Variants in CCDC180 observed in about 807,000 individuals in gnomAD.
The protein encoded by CCDC180 is coiled-coil domain containing 180, also known as coiled-coil domain-containing protein 180.
Under a neutral mutation model 209.2 loss-of-function variants are expected in CCDC180, and 154 were observed. The observed-to-expected ratio is 0.74, with a 90% CI of 0.65 to 0.84. CCDC180 has a LOEUF of 0.84. CCDC180 is among the 40% of genes least tolerant of loss of function. CCDC180 has a pLI of 0.00. For missense variants in CCDC180, 1,874 were observed against 1,997.3 expected, an observed-to-expected ratio of 0.94 and a Z score of 1.18; for synonymous variants, 778 against 749.1, an observed-to-expected ratio of 1.04 and a Z score of -0.63.
At chr9:97,327,366 T>C (rs556910757) in intron 15 of CCDC180, among the ~76,000 whole-genome samples, 1 of 152,334 alleles carries the variant, frequency 6.6e-6, no homozygotes, top group South Asian at 2.1e-4. Context: ...GTGCAAATTG[T>C]TCCATAACTA....
At position 97,350,695 on chromosome 9, in the gene CCDC180, G is replaced by A. The variant is rs117886450; in HGVS notation, c.3002+140G>A. 3.3e-6 allele frequency: 3 copies of A among 904,118 alleles called. No homozygotes were observed. The South Asian group carries it at 5.3e-5, about 16-fold the overall frequency. The allele number at this position is 904,118 out of a possible 1,614,324, so 56.0% of individuals were successfully genotyped here. On this transcript the variant is annotated intron_variant, in intron 22 of 36. Coordinates refer to ENST00000529487, the MANE Select transcript of CCDC180 (RefSeq NM_020893.6). ...CATCTTAACCATTTTTAGGTGCACA[G>A]ATCAGTGGCATTAAGGATATCCTGG...
At position 97,345,452 on chromosome 9, in the gene CCDC180, A is replaced by G. The variant is rs543300058; in HGVS notation, c.2499-1862A>G. ...TGTGGTTTTAATATGTATTCTCCTG[A>G]TGAGTATGATATTGTATACCTTTAA... On this transcript the variant is annotated intron_variant, in intron 19 of 36. Coordinates refer to ENST00000529487, the MANE Select transcript of CCDC180 (RefSeq NM_020893.6). Among the ~76,000 whole-genome samples the G allele has an allele frequency of 5.9e-5, 9 of 152,316 alleles. No individual in the cohort carries two copies. In the East Asian group the frequency reaches 1.2e-3, roughly 20 times the overall value.
At chr9:97,375,130 G>C (rs1044764767) in intron 35 of CCDC180, among the ~76,000 whole-genome samples, 7 of 152,138 alleles carry the variant, frequency 4.6e-5, no homozygotes, top group Non-Finnish European at 7.3e-5. Context: ...CATAGGAAAA[G>C]CATACCAGGC....
intron 19 of CCDC180, among the ~76,000 whole-genome samples, chr9:97,345,180 G>A (rs547799647): frequency 1.3e-5 from 2 of 152,328 alleles, no homozygotes; most frequent in South Asian, 4.1e-4. Context: ...GTCTTCTGGT[G>A]AATATATGTA....
At chr9:97,362,578 A>G in intron 28 of CCDC180, 137 bp downstream of exon 28, 1 of 1,292,668 alleles carries the variant, frequency 7.7e-7, no homozygotes. Flanking sequence ...CACGGGGCGC[A>G]GTGAGGGGTG....
At chr9:97,356,452 C>T (rs137863112) in intron 24 of CCDC180, among the ~76,000 whole-genome samples, 72 of 152,280 alleles carry the variant, frequency 4.7e-4, no homozygotes, top group African/African-American at 1.6e-3. Flanking sequence ...ATTATGGCAC[C>T]GATAAAGGAG....
chr9:97,328,154 G>A lies in CCDC180; in HGVS notation c.1788+8G>A. ...CGTGAAATCTTTGAACAGGTATGGA[G>A]AGGGTGATGATACACCCAGCCACTC... On this transcript the variant is annotated splice_region_variant and intron_variant, in intron 16 of 36. Transcript: ENST00000529487. 6.2e-7 allele frequency: 1 copy of A among 1,613,024 alleles called. No homozygotes were observed.
intron 3 of CCDC180, 74 bp downstream of exon 3, chr9:97,309,678 C>T: frequency 2.4e-6 from 3 of 1,256,672 alleles, no homozygotes; most frequent in Non-Finnish European, 3.2e-6. Flanking sequence ...AAAGAGCCAG[C>T]ACAAGATGAG....
chr9:97,316,945 A>C lies in CCDC180; in HGVS notation c.796-120A>C. The C allele has an allele frequency of 3.3e-6, 3 of 922,320 alleles. No individual in the cohort carries two copies. In the South Asian group the frequency reaches 5.6e-5, roughly 17 times the overall value. 57.1% of individuals were successfully genotyped at this position (922,320 alleles called of 1,614,324 possible). A position where few individuals can be genotyped will look rare whatever the true frequency, so the allele number is the denominator to read the frequency against. Reference sequence around the variant, plus strand: ...CCCCTTCAGGCCCTGCAACCACCCCACTTGGCCCTCACCCTGCACCTCCCC... The same window carrying C: ...CCCCTTCAGGCCCTGCAACCACCCCCCTTGGCCCTCACCCTGCACCTCCCC... On this transcript the variant is annotated intron_variant, in intron 8 of 36. Coordinates refer to ENST00000529487, the MANE Select transcript of CCDC180 (RefSeq NM_020893.6).
chr9:97,309,569 C>T lies in CCDC180; in HGVS notation c.225C>T (p.Pro75=). Residue 75 remains proline (P), a synonymous_variant, in exon 3 of 37, where the codon CCC becomes CCT. Transcript: ENST00000529487. Reference sequence around the variant, plus strand: ...AGCAGAAGTGGATGCACAGCCTCCCCAACGACTGGATCATGGAAAACCCTG... The same window carrying T: ...AGCAGAAGTGGATGCACAGCCTCCCTAACGACTGGATCATGGAAAACCCTG... ...PRQQKWMHSL[P]NDWIMENPVL... The T allele has an allele frequency of 6.3e-7, 1 of 1,590,782 alleles. No homozygotes were observed. Among genetic ancestry groups the T allele is most frequent in the East Asian group, 2.3e-5 (1 of 42,756 alleles).
chr9:97,365,905 A>G (rs1479828222), intron 30 of CCDC180, among the ~76,000 whole-genome samples, 166 bp downstream of exon 30: 1 of 152,204 alleles, frequency 6.6e-6, no homozygotes, highest in Non-Finnish European at 1.5e-5. Flanking sequence ...TTTTTCTTTG[A>G]GAAACCAAAC....
At chr9:97,372,463 TGA>T (rs1165684005) in intron 34 of CCDC180, 3 of 152,256 alleles carry the variant, frequency 2.0e-5, no homozygotes, top group Non-Finnish European at 4.4e-5. Context: ...GGAATTTATC[TGA>T]GAGAAATACT....
At chr9:97,339,623 A>T (rs1306100347) in intron 18 of CCDC180, among the ~76,000 whole-genome samples, 1 of 151,848 alleles carries the variant, frequency 6.6e-6, no homozygotes, top group Non-Finnish European at 1.5e-5. Context: ...GGTGCATCTG[A>T]CAATTGTGTG....
chr9:97,323,718 G>T, intron 12 of CCDC180, 63 bp from the exon 13 acceptor site: 1 of 1,505,806 alleles, frequency 6.6e-7, no homozygotes, highest in Non-Finnish European at 8.9e-7. Context: ...CCTGTAGGAT[G>T]CAGCTGATGC....
intron 11 of CCDC180, among the ~76,000 whole-genome samples, chr9:97,321,121 C>T (rs912456734): frequency 6.6e-6 from 1 of 152,118 alleles, no homozygotes; most frequent in Non-Finnish European, 1.5e-5. Context: ...TTTTGCCGAA[C>T]TGTAGGCTAA....
Position 97,313,297 on chromosome 9 carries a change from CGA to C in CCDC180, c.415_416del (p.Ser139ArgfsTer33). 6.2e-7 allele frequency: 1 copy of C among 1,612,560 alleles called. No individual in the cohort carries two copies. The highest frequency in any genetic ancestry group is 1.3e-5 in the African/African-American group (1 of 74,996). On this transcript the variant is annotated frameshift_variant, in exon 5 of 37. Transcript: ENST00000529487. LOFTEE classifies it high-confidence loss of function. ...AAGCAGAACACAAGAGGAAGAGCTA[CGA>C]GAGCGCTCTGGCCAGCTTTCAGGAG... ...RQAEHKRKSY[E>X]SALASFQEEI...
intron 12 of CCDC180, among the ~76,000 whole-genome samples, chr9:97,323,126 T>G (rs1449604944): frequency 6.6e-6 from 1 of 152,170 alleles, no homozygotes; most frequent in African/African-American, 2.4e-5. Context: ...CTCACTGGTC[T>G]CTGGGCATTC....
In CCDC180 at chr9:97,340,623, C is replaced by A. The variant is rs568281265; in HGVS notation, c.2275-2717C>A. Among the ~76,000 whole-genome samples the A allele has an allele frequency of 5.3e-5, 8 of 152,282 alleles. No individual in the cohort carries two copies. The East Asian group carries it at 1.4e-3, about 26-fold the overall frequency. ...GCTGAGGGGACACAGTGCAAAGTGA[C>A]CAGAAGACAAGATTGCAAGCCTTCT... is the stretch of plus-strand genomic sequence containing the variant. On this transcript the variant is annotated intron_variant, in intron 18 of 36. Coordinates refer to ENST00000529487, the MANE Select transcript of CCDC180 (RefSeq NM_020893.6).
At chr9:97,313,441 A>G in intron 5 of CCDC180, 96 bp downstream of exon 5, 2 of 799,354 alleles carry the variant, frequency 2.5e-6, no homozygotes, top group Non-Finnish European at 4.2e-6. Flanking sequence ...TCCAGCAGAG[A>G]GGTCCTCAGG....
Sources: allele counts gnomAD v4.1 joint callset (sites outside exome capture counted in the v4.1 genomes callset), GRCh38; gene constraint gnomAD v4.1.1; transcripts MANE v1.5; gene names NCBI Gene and HGNC (gene_info 2026-07-23, HGNC 2026-07-21).